KCNIP4: variants seen among roughly 807,000 people sequenced by gnomAD.
KCNIP4 encodes Kv channel-interacting protein 4.
Under a neutral mutation model 34.0 loss-of-function variants are expected in KCNIP4, and 12 were observed. The ratio of observed to expected loss-of-function variants is 0.35; its 90% confidence interval spans 0.23 to 0.57. The LOEUF (loss-of-function observed/expected upper bound fraction) is 0.57, where lower values mean the gene tolerates loss of function less well. KCNIP4 is among the 20% of genes least tolerant of loss of function. The pLI is 0.83. For missense variants in KCNIP4, 238 were observed against 311.7 expected (o/e 0.76, Z 1.78); for synonymous variants, 124 against 102.2 (o/e 1.21, Z -1.29).
intron 1 of KCNIP4, among the ~76,000 whole-genome samples, chr4:21,233,308 G>A (rs1473941581): frequency 6.6e-6 from 1 of 152,076 alleles, no homozygotes; most frequent in Non-Finnish European, 1.5e-5. Context: ...TGTCCAAGGG[G>A]GGAGGCCCAA....
chr4:21,798,233 G>A (rs577463874), intron 1 of KCNIP4, among the ~76,000 whole-genome samples: 2 of 151,716 alleles, frequency 1.3e-5, no homozygotes, highest in African/African-American at 4.8e-5. Flanking sequence ...ATTTGGATAT[G>A]TGTATAGTAT....
intron 3 of KCNIP4, among the ~76,000 whole-genome samples, chr4:20,808,022 C>G (rs1007628510): frequency 6.6e-6 from 1 of 152,112 alleles, no homozygotes; most frequent in African/African-American, 2.4e-5. Context: ...GAGTATGGGT[C>G]AGAGATTTTC....
chr4:21,262,284 A>C, intron 1 of KCNIP4, among the ~76,000 whole-genome samples: 1 of 152,148 alleles, frequency 6.6e-6, no homozygotes, highest in East Asian at 1.9e-4. Flanking sequence ...TACTCTGCTC[A>C]TATCACCTTG....
intron 2 of KCNIP4, among the ~76,000 whole-genome samples, chr4:20,861,329 C>T (rs1454003098): frequency 2.6e-5 from 4 of 152,160 alleles, no homozygotes; most frequent in Non-Finnish European, 2.9e-5. Flanking sequence ...TTCACCCATC[C>T]ACCTACCAAG....
intron 1 of KCNIP4, among the ~76,000 whole-genome samples, chr4:21,562,262 C>A (rs917807035): frequency 2.6e-5 from 4 of 151,690 alleles, no homozygotes; most frequent in African/African-American, 9.7e-5. Flanking sequence ...ATAAGACTGC[C>A]AAAATACTTA....
chr4:21,195,655 A>C (rs1035380655), intron 1 of KCNIP4, among the ~76,000 whole-genome samples: 3 of 152,250 alleles, frequency 2.0e-5, no homozygotes, highest in African/African-American at 7.2e-5. Flanking sequence ...AAAGGAACCA[A>C]TAACAAAGTT....
At chr4:21,107,761 T>C (rs1469842387) in intron 1 of KCNIP4, among the ~76,000 whole-genome samples, 1 of 151,594 alleles carries the variant, frequency 6.6e-6, no homozygotes, top group Non-Finnish European at 1.5e-5. Flanking sequence ...CCATGTTTAG[T>C]GCTTCCTTCA....
intron 1 of KCNIP4, among the ~76,000 whole-genome samples, chr4:21,199,598 T>A (rs1294533289): frequency 1.3e-5 from 2 of 152,222 alleles, no homozygotes; most frequent in Non-Finnish European, 2.9e-5. Context: ...CAATTTTGGC[T>A]TTTGTTGCCA....
intron 1 of KCNIP4, among the ~76,000 whole-genome samples, chr4:21,648,910 T>C (rs1017244240): frequency 6.6e-6 from 1 of 152,214 alleles, no homozygotes; most frequent in African/African-American, 2.4e-5. Flanking sequence ...TTATGATATA[T>C]ACTCCTGTCC....
intron 1 of KCNIP4, among the ~76,000 whole-genome samples, chr4:20,928,669 C>G (rs1186314777): frequency 6.6e-6 from 1 of 151,574 alleles, no homozygotes; most frequent in Non-Finnish European, 1.5e-5. Flanking sequence ...ATAGTAAAAC[C>G]AAGAATTAGT....
intron 5 of KCNIP4, among the ~76,000 whole-genome samples, chr4:20,735,544 T>G: frequency 6.7e-6 from 1 of 148,626 alleles, no homozygotes; most frequent in East Asian, 1.9e-4. Context: ...TTTTTTTTTT[T>G]TTTGAGATGG....
intron 1 of KCNIP4, among the ~76,000 whole-genome samples, chr4:21,663,771 ACAGAAATCCCCATG>A (rs1748626993): frequency 6.6e-6 from 1 of 152,136 alleles, no homozygotes; most frequent in Non-Finnish European, 1.5e-5. Flanking sequence ...CATCTACAAA[ACAGAAATCCCCATG>A]CTAGATCCTT....
At chr4:21,056,433 T>C (rs1164090152) in intron 1 of KCNIP4, among the ~76,000 whole-genome samples, 1 of 152,184 alleles carries the variant, frequency 6.6e-6, no homozygotes, top group African/African-American at 2.4e-5. Flanking sequence ...ATAATCTCTA[T>C]CATCTGCATG....
intron 1 of KCNIP4, among the ~76,000 whole-genome samples, chr4:21,122,451 G>A (rs1577730019): frequency 7.5e-6 from 1 of 133,810 alleles, no homozygotes; most frequent in Non-Finnish European, 1.6e-5. Context: ...AATTTTTGCA[G>A]ATCAAGTTTT....
chr4:20,922,229 A>G (rs1279363680), intron 1 of KCNIP4, among the ~76,000 whole-genome samples: 1 of 152,202 alleles, frequency 6.6e-6, no homozygotes, highest in Non-Finnish European at 1.5e-5. Flanking sequence ...GAGGGTGTTA[A>G]CTGGAAGAGA....
At chr4:21,284,759 TGC>T (rs1009889613) in intron 1 of KCNIP4, among the ~76,000 whole-genome samples, 6 of 150,282 alleles carry the variant, frequency 4.0e-5, no homozygotes, top group Non-Finnish European at 7.4e-5. Context: ...TGTGTGTGTG[TGC>T]GTGTGTGTGT....
At chr4:21,264,097 A>G (rs1761646816) in intron 1 of KCNIP4, among the ~76,000 whole-genome samples, 2 of 95,756 alleles carry the variant, frequency 2.1e-5, no homozygotes. Flanking sequence ...CTTAAACCTC[A>G]TCATGCAGCC....
At chr4:21,810,412 T>A (rs1036674097) in intron 1 of KCNIP4, among the ~76,000 whole-genome samples, 1 of 152,056 alleles carries the variant, frequency 6.6e-6, no homozygotes. Context: ...AGAATTTGGC[T>A]GGGCGCGGTG....
At chr4:21,059,851 G>A (rs1459292546) in intron 1 of KCNIP4, among the ~76,000 whole-genome samples, 1 of 152,010 alleles carries the variant, frequency 6.6e-6, no homozygotes, top group Admixed American at 6.6e-5. Context: ...TACAACATGA[G>A]ACACTGTGGT....
Sources: allele counts gnomAD v4.1 joint callset (sites outside exome capture counted in the v4.1 genomes callset), GRCh38; gene constraint gnomAD v4.1.1; transcripts MANE v1.5; gene names NCBI Gene and HGNC (gene_info 2026-07-23, HGNC 2026-07-21).